KCND2: variants seen among roughly 807,000 people sequenced by gnomAD.
The protein encoded by KCND2 is A-type voltage-gated potassium channel KCND2.
A neutral mutation model predicts 54.4 loss-of-function variants in KCND2; 16 were observed. The observed-to-expected ratio is 0.29, with a 90% confidence interval of 0.20 to 0.45. KCND2 has a LOEUF of 0.45. Among genes scored for constraint, KCND2 ranks in the 20% least tolerant of loss-of-function variants. KCND2 has a pLI of 1.00. For missense variants in KCND2, 486 were observed against 824.2 expected (o/e 0.59, Z 5.02); for synonymous variants, 317 against 310.7 (o/e 1.02, Z -0.21).
chr7:120,346,218 A>G (rs1800313631), intron 1 of KCND2, among the ~76,000 whole-genome samples: 1 of 152,122 alleles, frequency 6.6e-6, no homozygotes, highest in Admixed American at 6.6e-5. Context: ...GATCCTTTAT[A>G]TATCCTGGAT....
chr7:120,507,525 T>C (rs1298681993), intron 1 of KCND2, among the ~76,000 whole-genome samples: 3 of 151,934 alleles, frequency 2.0e-5, no homozygotes, highest in Non-Finnish European at 4.4e-5. Flanking sequence ...AATTTATAAA[T>C]TTTCCTTATG....
intron 1 of KCND2, among the ~76,000 whole-genome samples, chr7:120,363,493 C>T (rs1800624967): frequency 6.6e-6 from 1 of 152,068 alleles, no homozygotes; most frequent in South Asian, 2.1e-4. Flanking sequence ...TTCTCTGATA[C>T]CTCATGTAAT....
At chr7:120,582,686 A>T (rs992888301) in intron 1 of KCND2, among the ~76,000 whole-genome samples, 2 of 152,146 alleles carry the variant, frequency 1.3e-5, no homozygotes, top group Non-Finnish European at 2.9e-5. Flanking sequence ...AAACAATTAT[A>T]AAAAAATATA....
chr7:120,594,183 T>A (rs1350155628), intron 1 of KCND2, among the ~76,000 whole-genome samples: 1 of 152,198 alleles, frequency 6.6e-6, no homozygotes, highest in African/African-American at 2.4e-5. Flanking sequence ...TGACCAAATA[T>A]AAAGTTTTAA....
intron 1 of KCND2, among the ~76,000 whole-genome samples, chr7:120,630,534 C>A (rs1793220837): frequency 6.6e-6 from 1 of 152,010 alleles, no homozygotes; most frequent in African/African-American, 2.4e-5. Context: ...TTTTATATTT[C>A]ATAACAGCTT....
At chr7:120,549,141 A>G (rs1385293944) in intron 1 of KCND2, among the ~76,000 whole-genome samples, 1 of 152,106 alleles carries the variant, frequency 6.6e-6, no homozygotes, top group African/African-American at 2.4e-5. Context: ...GACCCTTTTG[A>G]AGAGAAAGCA....
At chr7:120,368,528 C>T (rs2116412081) in intron 1 of KCND2, among the ~76,000 whole-genome samples, 1 of 151,992 alleles carries the variant, frequency 6.6e-6, no homozygotes, top group East Asian at 1.9e-4. Flanking sequence ...TTTTCTCTAC[C>T]AATGGAAATC....
intron 1 of KCND2, among the ~76,000 whole-genome samples, chr7:120,689,284 A>G (rs2116600779): frequency 6.6e-6 from 1 of 152,292 alleles, no homozygotes; most frequent in South Asian, 2.1e-4. Flanking sequence ...AAATAGTGGC[A>G]TTGTTTTCTT....
At chr7:120,320,022 A>T (rs2116328416) in intron 1 of KCND2, among the ~76,000 whole-genome samples, 1 of 152,214 alleles carries the variant, frequency 6.6e-6, no homozygotes, top group South Asian at 2.1e-4. Flanking sequence ...TGATTTAAAT[A>T]AATACTGAAA....
At chr7:120,489,845 A>G (rs544565945) in intron 1 of KCND2, among the ~76,000 whole-genome samples, 21 of 152,226 alleles carry the variant, frequency 1.4e-4, no homozygotes, top group Admixed American at 6.6e-5. Context: ...TTACATTTCT[A>G]TTGTGGGCCC....
chr7:120,686,929 C>T (rs180806217), intron 1 of KCND2, among the ~76,000 whole-genome samples: 277 of 152,232 alleles, frequency 1.8e-3, no homozygotes, highest in Middle Eastern at 6.8e-3. Flanking sequence ...ACTGCCTTTC[C>T]TTGGCACCGG....
At chr7:120,525,255 G>A (rs1443031205) in intron 1 of KCND2, among the ~76,000 whole-genome samples, 2 of 152,080 alleles carry the variant, frequency 1.3e-5, no homozygotes, top group Non-Finnish European at 1.5e-5. Context: ...ACTATTCTTT[G>A]GAGAAGAGGC....
At chr7:120,647,609 G>T (rs1351285879) in intron 1 of KCND2, among the ~76,000 whole-genome samples, 1 of 152,136 alleles carries the variant, frequency 6.6e-6, no homozygotes, top group East Asian at 1.9e-4. Flanking sequence ...ACAAGATGTG[G>T]CTGCAGAAAA....
intron 1 of KCND2, among the ~76,000 whole-genome samples, chr7:120,335,242 A>G (rs1800129006): frequency 6.6e-6 from 1 of 150,550 alleles, no homozygotes; most frequent in South Asian, 2.1e-4. Flanking sequence ...GCATGCCTGT[A>G]GTCCTAGCTA....
chr7:120,628,233 AG>A (rs752471327), intron 1 of KCND2, among the ~76,000 whole-genome samples: 9 of 152,232 alleles, frequency 5.9e-5, no homozygotes, highest in Admixed American at 5.9e-4. Context: ...ATTCTGATTC[AG>A]TCTCCTCTCG....
At chr7:120,745,259 T>A (rs1313594984) in intron 4 of KCND2, among the ~76,000 whole-genome samples, 1 of 152,166 alleles carries the variant, frequency 6.6e-6, no homozygotes, top group Non-Finnish European at 1.5e-5. Flanking sequence ...TATAAAGAAA[T>A]GGATAGTGTC....
chr7:120,372,356 T>C lies in KCND2; in HGVS notation c.1115+96609T>C, dbSNP rs185666952. 1.3e-3 allele frequency among the ~76,000 whole-genome samples: 202 copies of C among 151,368 alleles called. 1 individual carries two copies. The highest frequency in any genetic ancestry group is 9.3e-4 in the Non-Finnish European group (63 of 67,698). ...GGTATAAATCAAGTTGATCTGAAAA[T>C]GAAAAAAAAATGCAGAATTCTCTCA... On this transcript the variant is annotated intron_variant, in intron 1 of 5. Transcript: ENST00000331113.
At chr7:120,630,668 G>T (rs1793222784) in intron 1 of KCND2, among the ~76,000 whole-genome samples, 1 of 152,012 alleles carries the variant, frequency 6.6e-6, no homozygotes, top group African/African-American at 2.4e-5. Flanking sequence ...TATCATTAGG[G>T]AATTCCCAGA....
chr7:120,370,529 T>C (rs1800751028), intron 1 of KCND2, among the ~76,000 whole-genome samples: 1 of 152,012 alleles, frequency 6.6e-6, no homozygotes, highest in Admixed American at 6.6e-5. Context: ...CAAATAACAT[T>C]CATAGCAAAT....
Sources: gnomAD v4.1 joint callset for allele counts (sites outside exome capture counted in the v4.1 genomes callset) on GRCh38, gnomAD v4.1.1 for gene constraint, MANE v1.5 for transcripts, NCBI Gene and HGNC (gene_info 2026-07-23, HGNC 2026-07-21) for gene names.